Variants in GLI3 observed in about 807,000 individuals in gnomAD.
GLI3 encodes GLI family zinc finger 3, also known as transcription activator GLI3.
A neutral mutation model predicts 100.8 loss-of-function variants in GLI3; 20 were observed. The observed-to-expected ratio is 0.20, with a 90% CI of 0.14 to 0.29. GLI3 has a LOEUF of 0.29. Ranked by LOEUF, GLI3 falls within the 10% of genes least tolerant of loss-of-function variation. The probability of loss-of-function intolerance (pLI) is 1.00; values close to 1 mark genes in which losing one functional copy is unlikely to be tolerated. For synonymous variants in GLI3, 938 were observed against 860.5 expected (o/e 1.09, Z -1.58); for missense variants, 2,040 against 2,128.5 (o/e 0.96, Z 0.82).
At chr7:42,238,023 C>T (rs1562797802), upstream of GLI3, among the ~76,000 whole-genome samples, 1 of 132,686 alleles carries the variant, frequency 7.5e-6, no homozygotes. Flanking sequence ...CCTCCTCCTC[C>T]TTCTCCTCCT....
chr7:42,109,822 C>T (rs2141176), intron 3 of GLI3, among the ~76,000 whole-genome samples: 143,533 of 152,246 alleles, frequency 0.94, 68,178 homozygotes, highest in East Asian at 1. Context: ...CAATCAGCAG[C>T]AGTTATGAAC....
intron 3 of GLI3, among the ~76,000 whole-genome samples, chr7:42,100,552 A>G (rs1785437736): frequency 6.6e-6 from 1 of 151,082 alleles, no homozygotes; most frequent in Admixed American, 6.6e-5. Context: ...CCTCTGCAAC[A>G]TGGTAAAACC....
chr7:42,038,582 T>C (rs767369444), intron 7 of GLI3, among the ~76,000 whole-genome samples: 1 of 152,204 alleles, frequency 6.6e-6, no homozygotes, highest in Non-Finnish European at 1.5e-5. Flanking sequence ...ATCTGGAAAG[T>C]GCCCCAGGAC....
chr7:42,083,559 A>G (rs1785040766), intron 3 of GLI3, among the ~76,000 whole-genome samples: 1 of 152,240 alleles, frequency 6.6e-6, no homozygotes, highest in Non-Finnish European at 1.5e-5. Context: ...CAGCTGAGAC[A>G]GGAAACCCAT....
chr7:42,260,014 T>G (rs1018635061), intron 1 of GLI3, among the ~76,000 whole-genome samples: 1 of 152,196 alleles, frequency 6.6e-6, no homozygotes, highest in Non-Finnish European at 1.5e-5. Context: ...ACAAAACAAC[T>G]AGGAAATTTA....
chr7:41,969,649 C>T (rs1787315683), intron 13 of GLI3, among the ~76,000 whole-genome samples: 2 of 152,214 alleles, frequency 1.3e-5, no homozygotes, highest in Non-Finnish European at 2.9e-5. Context: ...ATGTCTTTGA[C>T]TCCTGGACTG....
intron 3 of GLI3, among the ~76,000 whole-genome samples, chr7:42,119,598 C>T (rs1244182731): frequency 6.6e-6 from 1 of 152,112 alleles, no homozygotes; most frequent in Non-Finnish European, 1.5e-5. Flanking sequence ...GTACCTCAAA[C>T]AGAACAGATA....
At chr7:42,093,147 G>C (rs73088681) in intron 3 of GLI3, among the ~76,000 whole-genome samples, 35,338 of 151,380 alleles carry the variant, frequency 0.23, 4,313 homozygotes, top group Admixed American at 0.36. Flanking sequence ...AGGGCGCCCA[G>C]CATGGGCAAA....
At chr7:42,087,022 C>G (rs1335342748) in intron 3 of GLI3, among the ~76,000 whole-genome samples, 3 of 152,128 alleles carry the variant, frequency 2.0e-5, no homozygotes, top group Non-Finnish European at 4.4e-5. Flanking sequence ...CTTTCCCTCC[C>G]AGGAGGTCTG....
At chr7:42,123,548 T>C (rs1371507607) in intron 3 of GLI3, among the ~76,000 whole-genome samples, 1 of 152,242 alleles carries the variant, frequency 6.6e-6, no homozygotes, top group Non-Finnish European at 1.5e-5. Flanking sequence ...TAATTCAGTT[T>C]AGGCACAACA....
chr7:42,206,438 G>A (rs186492195), intron 2 of GLI3, among the ~76,000 whole-genome samples: 4,536 of 152,000 alleles, frequency 0.03, 207 homozygotes, highest in African/African-American at 0.1. Context: ...TCTCTTTAAC[G>A]AAATAAGATA....
intron 2 of GLI3, among the ~76,000 whole-genome samples, chr7:42,162,445 A>C (rs995520062): frequency 1.3e-5 from 2 of 152,152 alleles, no homozygotes; most frequent in African/African-American, 4.8e-5. Flanking sequence ...TGTTGACACA[A>C]ATGGAAATGT....
In GLI3 at chr7:42,044,592, A is replaced by AT. The variant is rs576098306; in HGVS notation, c.826+791dup. On this transcript the variant is annotated intron_variant, in intron 6 of 14. Transcript: ENST00000395925. Reference sequence around the variant, plus strand: ...CCCTTCTGATTTGGAAAAAGTTTTTATTTTTTCCAAATAAGCTATTTGGCA... The same window carrying AT: ...CCCTTCTGATTTGGAAAAAGTTTTTATTTTTTTCCAAATAAGCTATTTGGCA... Among the ~76,000 whole-genome samples, 8 of 152,154 alleles carry AT rather than the reference A, an allele frequency of 5.3e-5. No homozygotes were observed. The East Asian group carries it at 1.2e-3, about 22-fold the overall frequency.
At chr7:42,126,813 C>T (rs960344275) in intron 3 of GLI3, among the ~76,000 whole-genome samples, 1 of 152,180 alleles carries the variant, frequency 6.6e-6, no homozygotes, top group African/African-American at 2.4e-5. Context: ...TTCTTCTACT[C>T]TGGGCTTTGG....
intron 3 of GLI3, among the ~76,000 whole-genome samples, chr7:42,108,471 A>G (rs992060648): frequency 1.3e-5 from 2 of 152,252 alleles, no homozygotes; most frequent in South Asian, 4.2e-4. Context: ...GCTTTCCGCA[A>G]ACTGGAAAGA....
intron 2 of GLI3, among the ~76,000 whole-genome samples, chr7:42,189,904 A>G (rs1314918747): frequency 6.6e-6 from 1 of 152,050 alleles, no homozygotes; most frequent in Non-Finnish European, 1.5e-5. Flanking sequence ...TTATACCAAG[A>G]TAGATTCGGA....
intron 2 of GLI3, among the ~76,000 whole-genome samples, chr7:42,211,218 G>A (rs1363542164): frequency 2.0e-5 from 3 of 152,098 alleles, no homozygotes; most frequent in Non-Finnish European, 4.4e-5. Flanking sequence ...GAAAAGAGCC[G>A]AAAGGCTTTG....
chr7:42,159,583 G>A (rs1398270916), intron 2 of GLI3, among the ~76,000 whole-genome samples: 5 of 152,162 alleles, frequency 3.3e-5, no homozygotes, highest in Non-Finnish European at 7.4e-5. Flanking sequence ...ATTAGGAATT[G>A]TAACTGTTCC....
chr7:42,211,681 T>C (rs1788276746), intron 2 of GLI3, among the ~76,000 whole-genome samples: 1 of 152,186 alleles, frequency 6.6e-6, no homozygotes, highest in African/African-American at 2.4e-5. Flanking sequence ...CAAAAAATAT[T>C]CTGTGAAAGG....
Sources: allele counts gnomAD v4.1 joint callset (sites outside exome capture counted in the v4.1 genomes callset), GRCh38; gene constraint gnomAD v4.1.1; transcripts MANE v1.5; gene names NCBI Gene and HGNC (gene_info 2026-07-23, HGNC 2026-07-21).